MAMSTR: variants seen among roughly 807,000 people sequenced by gnomAD.
MAMSTR encodes the protein MEF2 activating motif and SAP domain containing transcriptional regulator, also known as MEF2-activating motif and SAP domain-containing transcriptional regulator.
MAMSTR carries 41 observed loss-of-function variants against 42.7 expected under a neutral mutation model. The observed-to-expected ratio is 0.96, with a 90% CI of 0.75 to 1.25. The LOEUF (loss-of-function observed/expected upper bound fraction) is 1.25. Ranked by LOEUF, MAMSTR falls within the 50% of genes most tolerant of loss-of-function variation. The pLI, the probability that MAMSTR is intolerant of heterozygous loss-of-function variation, is 0.00. For synonymous variants in MAMSTR, 265 were observed against 244.1 expected (o/e 1.09, Z -0.80); for missense variants, 567 against 557.6 (o/e 1.02, Z -0.17).
intron 3 of MAMSTR, 141 bp downstream of exon 3, chr19:48,716,564 A>C (rs2033044540): frequency 1.1e-6 from 1 of 951,188 alleles, no homozygotes. Context: ...TTGGGAAAGG[A>C]CAGGATGGGA....
Position 48,715,286 on chromosome 19 carries a change from G to C in MAMSTR, c.401C>G (p.Thr134Arg). 6.3e-7 allele frequency: 1 copy of C among 1,593,924 alleles called. No individual in the cohort carries two copies. Among genetic ancestry groups the C allele is most frequent in the Non-Finnish European group, 8.5e-7 (1 of 1,171,464 alleles). The change falls in exon 5 of 10, where the codon ACA becomes AGA. Residue 134 changes from threonine to arginine, a missense_variant. Physicochemically the swap from Thr to Arg is moderately conservative, Grantham distance 71 (BLOSUM62 -1). Transcript: ENST00000318083. ...CCTAGGATGTGGCTGCTGCGAGTCT[G>C]TCCCTTCCCACAGAGATGGCCCAGG... ...GPPGPSLWEG[T>R]DSQQPHPRMK...
rs368110114 is a variant in MAMSTR at position 48,714,893 on chromosome 19, G to A, written c.441C>T (p.Pro147=). ...GGACTCCTGGTGGGCAGGGAGTGAG[G>A]GGAGAGGGCTTCATCCTGGTGATAA... ...QQPHPRMKPS[P]LTPCPPGVPS... Residue 147 remains proline (P), a synonymous_variant, in exon 6 of 10, where the codon CCC becomes CCT. Coordinates refer to ENST00000318083, the MANE Select transcript of MAMSTR (RefSeq NM_001130915.2). 9.2e-5 allele frequency: 148 copies of A among 1,607,374 alleles called. No individual in the cohort carries two copies. Among genetic ancestry groups the A allele is most frequent in the Non-Finnish European group, 1.2e-4 (143 of 1,175,260 alleles).
chr19:48,707,100 C>G, the MAMSTR span, among the ~76,000 whole-genome samples: 1 of 151,728 alleles, frequency 6.6e-6, no homozygotes, highest in South Asian at 2.1e-4. Flanking sequence ...AGCAAGACAC[C>G]ATCACTAACA....
rs1225478236 is a variant in MAMSTR at position 48,713,859 on chromosome 19, C to A, written c.909+1G>T. The A allele has an allele frequency of 1.2e-6, 2 of 1,613,288 alleles. No individual in the cohort carries two copies. The highest frequency in any genetic ancestry group is 2.2e-5 in the East Asian group (1 of 44,850). ...GCCGGATTCAACCCACACCCTCTTA[C>A]CTGCGCCCTCCGGATCGCTTCCTGC... On this transcript the variant is annotated splice_donor_variant, in intron 8 of 9. Coordinates refer to ENST00000318083, the MANE Select transcript of MAMSTR (RefSeq NM_001130915.2). LOFTEE classifies it high-confidence loss of function.
intron 2 of MAMSTR, 171 bp from the exon 3 acceptor site, chr19:48,716,914 C>G: frequency 8.3e-7 from 1 of 1,209,062 alleles, no homozygotes; most frequent in Non-Finnish European, 1.0e-6. Context: ...CTCGGGCCTC[C>G]CGCCTGCTCC....
intron 2 of MAMSTR, among the ~76,000 whole-genome samples, chr19:48,717,650 T>A (rs2033095455): frequency 6.6e-6 from 1 of 151,760 alleles, no homozygotes; most frequent in Admixed American, 6.6e-5. Context: ...TTCTCCTGCC[T>A]TAACCTCCCA....
downstream of MAMSTR, among the ~76,000 whole-genome samples, chr19:48,707,838 G>GAAA (rs1376262803): frequency 2.4e-4 from 22 of 90,992 alleles, no homozygotes; most frequent in African/African-American, 3.8e-4. Flanking sequence ...AAGAAAGAAA[G>GAAA]GAAAGAAAGA....
chr19:48,715,645 G>GAGGA lies in MAMSTR; in HGVS notation c.216_219dup (p.Pro74SerfsTer70). The GAGGA allele has an allele frequency of 6.5e-7, 1 of 1,543,536 alleles. No homozygotes were observed. On this transcript the variant is annotated frameshift_variant, in exon 4 of 10. Coordinates refer to ENST00000318083, the MANE Select transcript of MAMSTR (RefSeq NM_001130915.2). LOFTEE classifies it high-confidence loss of function. ...CTCACCTTCTTTGGGGACCTCCAAG[G>GAGGA]AGGACAATATTCTGGCTCGGGGAGC...
chr19:48,713,549 G>A lies in MAMSTR; in HGVS notation c.966C>T (p.Asp322=), dbSNP rs760436969. 3 of 1,609,670 alleles carry A rather than the reference G, an allele frequency of 1.9e-6. No homozygotes were observed. Among genetic ancestry groups the A allele is most frequent in the Non-Finnish European group, 8.5e-7 (1 of 1,178,294 alleles). The change falls in exon 10 of 10, where the codon GAC becomes GAT. Residue 322 remains aspartate, a splice_region_variant and synonymous_variant. Coordinates refer to ENST00000318083, the MANE Select transcript of MAMSTR (RefSeq NM_001130915.2). ...AGTCCAGGGGAATAGGGGGCAGGGG[G>A]TCTGCGGGATAAAGAATGGTACATG... ...DILEDQVEPD[D]PLPPIPLDFP...
chr19:48,708,557 T>C (rs1229182210), downstream of MAMSTR, among the ~76,000 whole-genome samples: 1 of 151,742 alleles, frequency 6.6e-6, no homozygotes, highest in Non-Finnish European at 1.5e-5. Context: ...GAGTTGGGTG[T>C]TGGGCGCTCG....
chr19:48,716,617 A>T, intron 3 of MAMSTR, 88 bp downstream of exon 3: 1 of 1,273,482 alleles, frequency 7.9e-7, no homozygotes, highest in Non-Finnish European at 1.0e-6. Context: ...TGCAGGAACC[A>T]ATGAGGGGTA....
rs1050004472 is a variant in MAMSTR, at chr19:48,713,998, C to T, written c.771G>A (p.Ala257=). The T allele has an allele frequency of 6.2e-7, 1 of 1,611,120 alleles. No individual in the cohort carries two copies. Among genetic ancestry groups the T allele is most frequent in the Non-Finnish European group, 8.5e-7 (1 of 1,178,830 alleles). The part of the protein sequence containing the change: ...ASHRPPLPRA[A]DTPGTAPAPT... ...GAGCCGGAGCCGTCCCCGGGGTATC[C>T]GCGGCACGTGGAAGAGGTGGCCTGT... Residue 257 remains alanine (A), a synonymous_variant, in exon 8 of 10, where the codon GCG becomes GCA. Transcript: ENST00000318083.
At chr19:48,707,872 A>AAAGAAAGAAAAGAAAGAAAGAAAGGAAGG (rs2032671980), downstream of MAMSTR, among the ~76,000 whole-genome samples, 2 of 112,920 alleles carry the variant, frequency 1.8e-5, no homozygotes, top group African/African-American at 7.6e-5. Flanking sequence ...AGAAAGAAAG[A>AAAGAAAGAAAAGAAAGAAAGAAAGGAAGG]AAGAAAGAAA....
At chr19:48,717,388 C>T (rs1387568503) in intron 2 of MAMSTR, among the ~76,000 whole-genome samples, 3 of 151,694 alleles carry the variant, frequency 2.0e-5, no homozygotes, top group Admixed American at 2.0e-4. Flanking sequence ...GATCATAGCT[C>T]ACTGCAGCCT....
Position 48,719,077 on chromosome 19 carries a change from G to A in MAMSTR, c.-21-25C>T. On this transcript the variant is annotated intron_variant, in intron 1 of 9. Coordinates refer to ENST00000318083, the MANE Select transcript of MAMSTR (RefSeq NM_001130915.2). This position sits in a 1 kb window ranked among gnomAD's most constrained non-coding sequence, Gnocchi z 4.4. ...CCTGGACGGAGAGGGGGCAGGGCAG[G>A]GGCCCCATAGAGGGCTGGCTCAGAG... The A allele has an allele frequency of 6.5e-7, 1 of 1,529,988 alleles. No individual in the cohort carries two copies. The allele number at this position is 1,529,988 out of a possible 1,614,324, so 94.8% of individuals were successfully genotyped here.
At position 48,715,767 on chromosome 19, in the gene MAMSTR, A is replaced by G; in HGVS notation, c.98T>C (p.Ile33Thr). The G allele has an allele frequency of 6.5e-7, 1 of 1,539,602 alleles. No individual in the cohort carries two copies. The highest frequency in any genetic ancestry group is 8.7e-7 in the Non-Finnish European group (1 of 1,144,084). ...TGAGATCCACGGGTCCGGATCCGAG[A>G]CTGGAGAGACGGTGAAGGACCCTGA... The part of the protein sequence containing the change: ...LRIHRRNQEQ[I>T]SDPDPWISAS... Residue 33 changes from isoleucine (I) to threonine (T), a missense_variant and splice_region_variant, in exon 4 of 10, where the codon ATC (isoleucine) becomes ACC (threonine). Transcript: ENST00000318083.
downstream of MAMSTR, among the ~76,000 whole-genome samples, chr19:48,711,747 T>G (rs1568465042): frequency 7.2e-6 from 1 of 139,138 alleles, no homozygotes; most frequent in African/African-American, 2.7e-5. Context: ...TAGTTTTTTT[T>G]TTTTTTTTTT....
chr19:48,716,787 A>G, intron 2 of MAMSTR, 44 bp from the exon 3 acceptor site: 1 of 1,275,754 alleles, frequency 7.8e-7, no homozygotes, highest in Non-Finnish European at 1.0e-6. Flanking sequence ...GCGGGAAGGG[A>G]GTGTCCAGGA....
chr19:48,707,892 G>A (rs150723620), downstream of MAMSTR, among the ~76,000 whole-genome samples: 58 of 102,448 alleles, frequency 5.7e-4, 1 homozygote, highest in Middle Eastern at 0.012. Context: ...AGAAAGAAAA[G>A]AAAGAAAGAA....
Sources: allele counts gnomAD v4.1 joint callset (sites outside exome capture counted in the v4.1 genomes callset), GRCh38; gene constraint gnomAD v4.1.1; non-coding constraint Gnocchi (gnomAD v3.1); transcripts MANE v1.5; gene names NCBI Gene and HGNC (gene_info 2026-07-23, HGNC 2026-07-21).